Variants in CNTNAP1 observed in about 807,000 individuals in gnomAD.
CNTNAP1 encodes the protein contactin associated protein 1, also known as contactin-associated protein 1.
A neutral mutation model predicts 161.5 loss-of-function variants in CNTNAP1; 80 were observed. The ratio of observed to expected loss-of-function variants is 0.50; its 90% confidence interval spans 0.41 to 0.60. The LOEUF (loss-of-function observed/expected upper bound fraction) is 0.60, where lower values mean the gene tolerates loss of function less well. Among genes scored for constraint, CNTNAP1 ranks in the 20% least tolerant of loss-of-function variants. The pLI is 0.00. For synonymous variants in CNTNAP1, 695 were observed against 733.1 expected, an observed-to-expected ratio of 0.95 and a Z score of 0.84; for missense variants, 1,464 against 1,854.8, an observed-to-expected ratio of 0.79 and a Z score of 3.87.
intron 6 of CNTNAP1, 118 bp downstream of exon 6, chr17:42,686,259 C>T: frequency 9.3e-7 from 1 of 1,071,506 alleles, no homozygotes; most frequent in Non-Finnish European, 1.4e-6. Context: ...GGCATTCAGG[C>T]TGTGGGTGGT....
chr17:42,689,444 G>C (rs1386713420), intron 10 of CNTNAP1, 77 bp from the exon 11 acceptor site: 1 of 1,161,266 alleles, frequency 8.6e-7, no homozygotes, highest in Non-Finnish European at 1.3e-6. Flanking sequence ...GGAGCTGGGA[G>C]TGAAGCTTGC....
At chr17:42,690,027 G>A (rs2053064896) in intron 11 of CNTNAP1, 61 bp from the exon 12 acceptor site, 14 of 1,587,384 alleles carry the variant, frequency 8.8e-6, no homozygotes, top group South Asian at 2.2e-5. Flanking sequence ...GGCCCGAGCC[G>A]CCGCACCTGG....
chr17:42,691,613 C>T lies in CNTNAP1; in HGVS notation c.2344+102C>T. 2 of 1,523,672 alleles carry T rather than the reference C, an allele frequency of 1.3e-6. No individual in the cohort carries two copies. The highest frequency in any genetic ancestry group is 1.8e-6 in the Non-Finnish European group (2 of 1,119,152). The allele number at this position is 1,523,672 out of a possible 1,614,324, so 94.4% of individuals were successfully genotyped here. ...GTGGTCTCTAGCTGGGGTGCCCGAC[C>T]CCCAGCTCCTGCTGTGATGCGATCT... On this transcript the variant is annotated intron_variant, in intron 15 of 23. Coordinates refer to ENST00000264638, the MANE Select transcript of CNTNAP1 (RefSeq NM_003632.3). The surrounding 1 kb of genome is among the most constrained non-coding windows in gnomAD (Gnocchi z 4.3).
rs1417151952 is a variant in CNTNAP1 at position 42,697,329 on chromosome 17, T to C, written c.3530T>C (p.Leu1177Ser). Residue 1177 changes from leucine (L) to serine (S), a missense_variant, in exon 21 of 24, where the codon TTG becomes TCG. Coordinates refer to ENST00000264638, the MANE Select transcript of CNTNAP1 (RefSeq NM_003632.3). ...QKFSLLVDSQ[L>S]DSPKALYLGR... ...TTCTCGCTGTTGGTGGACAGCCAGT[T>C]GGACTCACCCAAGGCCTTGTATTTA... 1 of 1,613,952 alleles carries C rather than the reference T, an allele frequency of 6.2e-7. No individual in the cohort carries two copies. The highest frequency in any genetic ancestry group is 8.5e-7 in the Non-Finnish European group (1 of 1,180,020).
chr17:42,689,087 C>T, intron 10 of CNTNAP1, 40 bp downstream of exon 10: 1 of 1,517,016 alleles, frequency 6.6e-7, no homozygotes. Context: ...CCCTCCAAAG[C>T]CCTCTTCCCT....
At chr17:42,694,114 C>T (rs898148340) in intron 18 of CNTNAP1, among the ~76,000 whole-genome samples, 2 of 151,904 alleles carry the variant, frequency 1.3e-5, no homozygotes, top group East Asian at 1.9e-4. Context: ...CTGCCTCAGA[C>T]TCCCAAAGTG....
At chr17:42,692,344 C>T (rs1398894603) in intron 16 of CNTNAP1, among the ~76,000 whole-genome samples, 155 bp from the exon 17 acceptor site, 1 of 152,146 alleles carries the variant, frequency 6.6e-6, no homozygotes, top group East Asian at 1.9e-4. Context: ...GGTTTTTAAG[C>T]AGCTGGTAAG....
rs371413003 is a variant in CNTNAP1, at chr17:42,692,481, C to A, written c.2531-18C>A. 3.7e-6 allele frequency: 6 copies of A among 1,606,728 alleles called. No homozygotes were observed. Among genetic ancestry groups the A allele is most frequent in the African/African-American group, 1.3e-5 (1 of 74,816 alleles). ...GGTCTGAGTCCTTTTCTCCCCTACCCTGCATCACACTGTCCAGCATCCCGG... is the reference window on the plus strand; with the variant it reads ...GGTCTGAGTCCTTTTCTCCCCTACCATGCATCACACTGTCCAGCATCCCGG... On this transcript the variant is annotated intron_variant, in intron 16 of 23. Transcript: ENST00000264638.
rs773721815 is a variant in CNTNAP1 at position 42,685,038 on chromosome 17, G to T, written c.411G>T (p.Leu137=). The T allele has an allele frequency of 6.3e-7, 1 of 1,592,934 alleles. No individual in the cohort carries two copies. The change falls in exon 4 of 24, where the codon CTG becomes CTT. Residue 137 remains leucine (L), a synonymous_variant. Coordinates refer to ENST00000264638, the MANE Select transcript of CNTNAP1 (RefSeq NM_003632.3). The surrounding 1 kb of genome is among the most constrained non-coding windows in gnomAD (Gnocchi z 5.0). ...AGTCGGCGGTGGTGCGCCATGACCT[G>T]CACTTCCACTTCACTGCGCGCTACA... ...VNESAVVRHD[L]HFHFTARYIR... is the part of the protein sequence containing the mutation.
At chr17:42,690,299 G>A in intron 12 of CNTNAP1, 92 bp downstream of exon 12, 2 of 1,474,624 alleles carry the variant, frequency 1.4e-6, no homozygotes, top group Non-Finnish European at 9.4e-7. Context: ...ACAAGTGAGG[G>A]TAAAGGAGGA....
intron 20 of CNTNAP1, 56 bp from the exon 21 acceptor site, chr17:42,697,218 A>G: frequency 8.1e-7 from 1 of 1,238,286 alleles, no homozygotes; most frequent in Non-Finnish European, 1.2e-6. Context: ...GCCCACAGGC[A>G]TCTGCTTCTG....
intron 21 of CNTNAP1, 23 bp downstream of exon 21, chr17:42,697,390 T>G: frequency 1.2e-6 from 2 of 1,612,422 alleles, no homozygotes; most frequent in South Asian, 1.1e-5. Flanking sequence ...TGCGGACGCG[T>G]TTTAGGCAAG....
Position 42,697,662 on chromosome 17 carries a change from G to A in CNTNAP1, c.3677G>A (p.Arg1226Gln), listed in dbSNP as rs1481806507. ...GTGGCTCCCCTCAAGACCCACTTCC[G>A]AACCCCTCGACCCATGACTGCTGAG... ...NNVAPLKTHFRTPRPMTAELA... is the reference protein window; with the variant it reads ...NNVAPLKTHFQTPRPMTAELA... Residue 1226 changes from arginine (R) to glutamine (Q), a missense_variant, in exon 22 of 24, where the codon CGA (arginine) becomes CAA (glutamine). By Grantham distance (43) the Arg-to-Gln change is conservative (BLOSUM62 1). Coordinates refer to ENST00000264638, the MANE Select transcript of CNTNAP1 (RefSeq NM_003632.3). 16 of 1,614,114 alleles carry A rather than the reference G, an allele frequency of 9.9e-6. No homozygotes were observed. Among genetic ancestry groups the A allele is most frequent in the Non-Finnish European group, 1.3e-5 (15 of 1,180,020 alleles).
At chr17:42,697,517 G>A in intron 21 of CNTNAP1, 37 bp from the exon 22 acceptor site, 1 of 1,612,514 alleles carries the variant, frequency 6.2e-7, no homozygotes, top group South Asian at 1.1e-5. Flanking sequence ...GGGCCTTTGG[G>A]TCCAAGTCCC....
At chr17:42,683,051 C>T (rs2052957387) in intron 1 of CNTNAP1, 155 bp downstream of exon 1, 2 of 742,182 alleles carry the variant, frequency 2.7e-6, no homozygotes, top group African/African-American at 1.8e-5. Context: ...CCCCGCGCTC[C>T]GCATTGCAGC....
chr17:42,686,482 T>TTTTG (rs2053015457), intron 6 of CNTNAP1, among the ~76,000 whole-genome samples: 2 of 137,792 alleles, frequency 1.5e-5, no homozygotes, highest in Non-Finnish European at 1.5e-5. Flanking sequence ...TTTTTTTTTT[T>TTTTG]TTTTTTTTTT....
Position 42,685,252 on chromosome 17 carries a change from A to G in CNTNAP1, c.547A>G (p.Ile183Val). 6.2e-7 allele frequency: 1 copy of G among 1,613,840 alleles called. No individual in the cohort carries two copies. The highest frequency in any genetic ancestry group is 1.6e-4 in the Middle Eastern group (1 of 6,062). ...ACTCTATTTCGACGGCGACGATGCC[A>G]TCTCCTACCGCTTCCCGCGAGGGGT... is the stretch of plus-strand genomic sequence containing the variant. The part of the protein sequence containing the change: ...DILYFDGDDA[I>V]SYRFPRGVSR... Residue 183 changes from isoleucine (I) to valine (V), a missense_variant, in exon 5 of 24, where the codon ATC becomes GTC. Ile to Val is a conservative substitution (Grantham distance 29). Transcript: ENST00000264638. This position sits in a 1 kb window ranked among gnomAD's most constrained non-coding sequence, Gnocchi z 5.0.
chr17:42,691,819 C>A lies in CNTNAP1; in HGVS notation c.2358C>A (p.Asn786Lys). Reference protein sequence around the residue: ...LRCYGDRNSWNTISFHTGAAL... With the variant: ...LRCYGDRNSWKTISFHTGAAL... Reference sequence around the variant, plus strand: ...CTGCTTTTCTAGGAAATTCCTGGAACACCATTTCCTTCCACACCGGGGCTG... The same window carrying A: ...CTGCTTTTCTAGGAAATTCCTGGAAAACCATTTCCTTCCACACCGGGGCTG... The change falls in exon 16 of 24, where the codon AAC becomes AAA. Residue 786 changes from asparagine (N) to lysine (K), a missense_variant. Asn to Lys is a moderately conservative substitution (Grantham distance 94). This residue lies in a region of CNTNAP1 where 1,383 missense variants were observed against 1,765.0 expected (regional missense o/e 0.78). Transcript: ENST00000264638. This position sits in a 1 kb window ranked among gnomAD's most constrained non-coding sequence, Gnocchi z 4.3. 1 of 1,614,042 alleles carries A rather than the reference C, an allele frequency of 6.2e-7. No individual in the cohort carries two copies. Among genetic ancestry groups the A allele is most frequent in the Non-Finnish European group, 8.5e-7 (1 of 1,179,964 alleles).
chr17:42,694,610 G>A (rs561427736), intron 18 of CNTNAP1, among the ~76,000 whole-genome samples: 24 of 148,678 alleles, frequency 1.6e-4, no homozygotes, highest in Non-Finnish European at 3.4e-4. Flanking sequence ...AGCCTGGGGG[G>A]CACAGCAAGG....
Sources: allele counts gnomAD v4.1 joint callset (sites outside exome capture counted in the v4.1 genomes callset), GRCh38; gene constraint gnomAD v4.1.1; regional missense constraint gnomAD v4.1.1; non-coding constraint Gnocchi (gnomAD v3.1); transcripts MANE v1.5; gene names NCBI Gene and HGNC (gene_info 2026-07-23, HGNC 2026-07-21).